Variants in DTNB observed in about 807,000 individuals in gnomAD.
DTNB encodes the protein DTN-B.
In DTNB, 63 loss-of-function variants were observed where a neutral mutation model predicts 90.7. The observed-to-expected ratio is 0.69, with a 90% CI of 0.57 to 0.86. The LOEUF is 0.86. Ranked by LOEUF, DTNB falls within the 40% of genes least tolerant of loss-of-function variation. The pLI is 0.00. For missense variants in DTNB, 744 were observed against 807.1 expected (o/e 0.92, Z 0.95); for synonymous variants, 277 against 286.7 (o/e 0.97, Z 0.34).
chr2:25,626,865 T>C (rs1407084903), intron 4 of DTNB, among the ~76,000 whole-genome samples: 2 of 152,212 alleles, frequency 1.3e-5, no homozygotes, highest in African/African-American at 4.8e-5. Context: ...GCCAAGAGTA[T>C]AGCAGAAACT....
intron 7 of DTNB, among the ~76,000 whole-genome samples, chr2:25,578,747 T>A (rs537586512): frequency 6.6e-6 from 1 of 152,210 alleles, no homozygotes; most frequent in South Asian, 2.1e-4. Context: ...AGTTACCTTG[T>A]TATATACCTA....
At chr2:25,518,997 A>T (rs2075661831) in intron 9 of DTNB, among the ~76,000 whole-genome samples, 1 of 152,194 alleles carries the variant, frequency 6.6e-6, no homozygotes, top group Non-Finnish European at 1.5e-5. Context: ...AAAAAGACAA[A>T]TTGAATAGAC....
chr2:25,468,914 G>A (rs898461445), intron 10 of DTNB, among the ~76,000 whole-genome samples: 1 of 152,102 alleles, frequency 6.6e-6, no homozygotes, highest in Non-Finnish European at 1.5e-5. Context: ...TGTGATTGGG[G>A]GACAAAACTG....
Position 25,480,001 on chromosome 2 carries a change from A to G in DTNB, c.1079+2795T>C, listed in dbSNP as rs1055628039. On this transcript the variant is annotated intron_variant, in intron 10 of 20. Transcript: ENST00000406818. ...TGGCCACACAGGTCTGTCCACATTC[A>G]GAGGAGGGAAGAAAAGCTGAGGAGT... Among the ~76,000 whole-genome samples the G allele has an allele frequency of 7.2e-5, 11 of 152,252 alleles. No individual in the cohort carries two copies. The East Asian group carries it at 2.1e-3, about 29-fold the overall frequency.
At chr2:25,465,484 C>T (rs2061624681) in intron 10 of DTNB, among the ~76,000 whole-genome samples, 1 of 152,140 alleles carries the variant, frequency 6.6e-6, no homozygotes, top group Admixed American at 6.6e-5. Context: ...TATAATAAAT[C>T]TTATTAAAAA....
At chr2:25,479,614 T>C (rs1213731274) in intron 10 of DTNB, among the ~76,000 whole-genome samples, 1 of 152,212 alleles carries the variant, frequency 6.6e-6, no homozygotes, top group Non-Finnish European at 1.5e-5. Context: ...TAATTTATGG[T>C]TATCTCACAT....
Position 25,427,590 on chromosome 2 carries a change from T to C in DTNB, c.1499A>G (p.Gln500Arg), listed in dbSNP as rs2052258866. The change falls in exon 15 of 21, where the codon CAG (glutamine) becomes CGG (arginine). Residue 500 changes from glutamine to arginine, a missense_variant. Physicochemically the swap from Gln to Arg is conservative, Grantham distance 43. Transcript: ENST00000406818. ...DELEQRMSAL[Q>R]ESRRELMVQL... ...GACCATCAGCTCCCGCCTGCTCTCCTGCAGGGCCGACATCCTCTGCTCCAG... is the reference window on the plus strand; with the variant it reads ...GACCATCAGCTCCCGCCTGCTCTCCCGCAGGGCCGACATCCTCTGCTCCAG... 1 of 1,613,660 alleles carries C rather than the reference T, an allele frequency of 6.2e-7. No individual in the cohort carries two copies. The highest frequency in any genetic ancestry group is 1.3e-5 in the African/African-American group (1 of 74,936).
chr2:25,646,481 A>T (rs1394654703), intron 2 of DTNB, among the ~76,000 whole-genome samples: 1 of 152,072 alleles, frequency 6.6e-6, no homozygotes, highest in Non-Finnish European at 1.5e-5. Context: ...CAAAAAAAAA[A>T]AGATACAAGA....
chr2:25,639,116 T>C (rs2077689299), intron 2 of DTNB, 22 bp from the exon 3 acceptor site: 1 of 1,549,548 alleles, frequency 6.5e-7, no homozygotes, highest in Admixed American at 1.9e-5. Flanking sequence ...CAAACAGAAA[T>C]GCTCAACTAG....
chr2:25,407,487 C>G (rs1490296743), intron 16 of DTNB, among the ~76,000 whole-genome samples: 1 of 152,172 alleles, frequency 6.6e-6, no homozygotes, highest in Non-Finnish European at 1.5e-5. Context: ...TTTACTGCAG[C>G]CCAGTTCACA....
chr2:25,448,723 G>C (rs892011416), intron 12 of DTNB, among the ~76,000 whole-genome samples: 1 of 151,762 alleles, frequency 6.6e-6, no homozygotes, highest in African/African-American at 2.4e-5. Context: ...GCGTGGTGGC[G>C]GGCACCTGTA....
At chr2:25,658,795 G>T (rs534755787) in intron 1 of DTNB, among the ~76,000 whole-genome samples, 2 of 152,250 alleles carry the variant, frequency 1.3e-5, no homozygotes, top group South Asian at 4.1e-4. Context: ...GTGAAGCACG[G>T]GGCAATTTTT....
At chr2:25,614,853 C>G (rs2069767992) in intron 4 of DTNB, among the ~76,000 whole-genome samples, 1 of 152,220 alleles carries the variant, frequency 6.6e-6, no homozygotes, top group African/African-American at 2.4e-5. Flanking sequence ...TTTCCCCACA[C>G]ACCAAGCAAG....
chr2:25,542,292 G>A lies in DTNB; in HGVS notation c.877-10695C>T, dbSNP rs182335070. ...TAAATATTTTATATGAGTCTTTTGA[G>A]ATAATTATAAGGATTTAATCCATCA... On this transcript the variant is annotated intron_variant, in intron 8 of 20. Coordinates refer to ENST00000406818, the MANE Select transcript of DTNB (RefSeq NM_021907.5). Among the ~76,000 whole-genome samples the A allele has an allele frequency of 3.9e-5, 6 of 152,248 alleles. No homozygotes were observed. In the South Asian group the frequency reaches 6.2e-4, roughly 16 times the overall value.
intron 3 of DTNB, among the ~76,000 whole-genome samples, chr2:25,633,959 G>A (rs1394523885): frequency 6.6e-6 from 1 of 151,678 alleles, no homozygotes; most frequent in African/African-American, 2.4e-5. Flanking sequence ...TGAGAAGTGA[G>A]GAGCCCCTCC....
chr2:25,541,052 C>CAA (rs556073197), intron 8 of DTNB, among the ~76,000 whole-genome samples: 4 of 117,344 alleles, frequency 3.4e-5, no homozygotes, highest in Non-Finnish European at 7.4e-5. Flanking sequence ...AAAAAGAAAA[C>CAA]AAAAAAAAAA....
At chr2:25,529,676 G>A (rs1213108458) in intron 9 of DTNB, among the ~76,000 whole-genome samples, 1 of 152,168 alleles carries the variant, frequency 6.6e-6, no homozygotes, top group Non-Finnish European at 1.5e-5. Context: ...ATGATTTTCG[G>A]TAATCAATGG....
At chr2:25,584,715 G>A (rs1447776226) in intron 6 of DTNB, among the ~76,000 whole-genome samples, 6 of 151,492 alleles carry the variant, frequency 4.0e-5, no homozygotes, top group Admixed American at 3.3e-4. Flanking sequence ...TGCCACCATG[G>A]CCAGCTAATT....
Position 25,424,974 on chromosome 2 carries a change from A to G in DTNB, c.1554+2561T>C, listed in dbSNP as rs1236769864. Among the ~76,000 whole-genome samples, 4 of 152,030 alleles carry G rather than the reference A, an allele frequency of 2.6e-5. 1 individual carries two copies. The highest frequency in any genetic ancestry group is 4.8e-5 in the African/African-American group (2 of 41,388). ...ACTGCGCCCGACTGGATACCCTATT[A>G]TCTCCCATCCCACAGGTGTACTAAC... On this transcript the variant is annotated intron_variant, in intron 15 of 20. Transcript: ENST00000406818. This position sits in a 1 kb window ranked among gnomAD's most constrained non-coding sequence, Gnocchi z 4.1.
Sources: allele counts gnomAD v4.1 joint callset (sites outside exome capture counted in the v4.1 genomes callset), GRCh38; gene constraint gnomAD v4.1.1; non-coding constraint Gnocchi (gnomAD v3.1); transcripts MANE v1.5; gene names NCBI Gene and HGNC (gene_info 2026-07-23, HGNC 2026-07-21).